Variants in CWC27 observed in about 807,000 individuals in gnomAD.
CWC27 encodes spliceosome-associated protein CWC27 homolog.
In CWC27, 47 loss-of-function variants were observed where a neutral mutation model predicts 63.6. That is an observed-to-expected ratio of 0.74 (90% CI 0.58 to 0.94). The LOEUF is 0.94. Ranked by LOEUF, CWC27 falls within the 40% of genes least tolerant of loss-of-function variation. CWC27 has a pLI of 0.00. For missense variants in CWC27, 495 were observed against 554.3 expected (o/e 0.89, Z 1.07); for synonymous variants, 175 against 179.8 (o/e 0.97, Z 0.22).
chr5:64,798,307 AC>A (rs1248154609), intron 7 of CWC27, among the ~76,000 whole-genome samples: 1 of 152,092 alleles, frequency 6.6e-6, no homozygotes, highest in Admixed American at 6.6e-5. Context: ...TTTAGACTAA[AC>A]CCCATGGAAT....
At chr5:64,853,966 C>G (rs2112300851) in intron 10 of CWC27, among the ~76,000 whole-genome samples, 1 of 152,324 alleles carries the variant, frequency 6.6e-6, no homozygotes, top group African/African-American at 2.4e-5. Flanking sequence ...TAAATAACGC[C>G]TCATTTCCCT....
chr5:64,928,179 T>C (rs926483047), intron 11 of CWC27, among the ~76,000 whole-genome samples: 1 of 151,552 alleles, frequency 6.6e-6, no homozygotes, highest in Non-Finnish European at 1.5e-5. Flanking sequence ...AAGTCAACAG[T>C]CACCCACATT....
At position 64,937,540 on chromosome 5, in the gene CWC27, G is replaced by A. The variant is rs144872674; in HGVS notation, c.1043-34163G>A. Reference sequence around the variant, plus strand: ...ATATGGTAAATTTTAGAATAAGTGTGATGTGGTGCTGAGAAGAATGTATAT... The same window carrying A: ...ATATGGTAAATTTTAGAATAAGTGTAATGTGGTGCTGAGAAGAATGTATAT... On this transcript the variant is annotated intron_variant, in intron 11 of 13. Transcript: ENST00000381070. Among the ~76,000 whole-genome samples, 581 of 152,278 alleles carry A rather than the reference G, an allele frequency of 3.8e-3. 2 individuals carry two copies. Among genetic ancestry groups the A allele is most frequent in the African/African-American group, 0.012 (501 of 41,558 alleles).
intron 10 of CWC27, among the ~76,000 whole-genome samples, chr5:64,865,801 T>C (rs1356236256): frequency 1.3e-5 from 2 of 152,072 alleles, no homozygotes; most frequent in African/African-American, 4.8e-5. Context: ...TTTTTCAGGA[T>C]GTGATGAATC....
chr5:64,833,331 T>G (rs1261694000), intron 10 of CWC27, among the ~76,000 whole-genome samples: 1 of 151,766 alleles, frequency 6.6e-6, no homozygotes, highest in Non-Finnish European at 1.5e-5. Flanking sequence ...TTTCTGTATT[T>G]TGTTTATACT....
chr5:64,794,902 A>C (rs1335596952), intron 7 of CWC27, among the ~76,000 whole-genome samples: 1 of 152,184 alleles, frequency 6.6e-6, no homozygotes, highest in Non-Finnish European at 1.5e-5. Context: ...GGTAAGTTAA[A>C]CAACAGGCCC....
intron 7 of CWC27, 59 bp downstream of exon 7, chr5:64,789,079 C>T (rs1397418511): frequency 9.3e-6 from 11 of 1,179,696 alleles, no homozygotes; most frequent in Non-Finnish European, 1.4e-5. Context: ...CTATATCTTA[C>T]TCACTATTGT....
At chr5:64,987,967 T>C (rs1749467099) in intron 13 of CWC27, among the ~76,000 whole-genome samples, 1 of 152,200 alleles carries the variant, frequency 6.6e-6, no homozygotes, top group Non-Finnish European at 1.5e-5. Flanking sequence ...TTTGTGTCTT[T>C]CACCAAATTT....
intron 13 of CWC27, among the ~76,000 whole-genome samples, chr5:65,003,034 A>G (rs1176158133): frequency 1.3e-5 from 2 of 152,214 alleles, no homozygotes; most frequent in Non-Finnish European, 2.9e-5. Flanking sequence ...TTATCTTTCT[A>G]TAATGACCTT....
chr5:64,903,691 A>G (rs551826442), intron 11 of CWC27, among the ~76,000 whole-genome samples: 110 of 152,280 alleles, frequency 7.2e-4, no homozygotes, highest in Non-Finnish European at 1.4e-3. Context: ...CTTAAAATAA[A>G]ATAAAAAATA....
chr5:64,982,539 C>T (rs897344739), intron 13 of CWC27, among the ~76,000 whole-genome samples: 14 of 151,720 alleles, frequency 9.2e-5, no homozygotes, highest in African/African-American at 3.1e-4. Context: ...AGGCTGATCT[C>T]GAACTCCTGG....
rs1744746260 is a variant in CWC27, at chr5:64,807,946, A to G, written c.938+3560A>G. On this transcript the variant is annotated intron_variant, in intron 10 of 13. Coordinates refer to ENST00000381070, the MANE Select transcript of CWC27 (RefSeq NM_005869.4). Reference sequence around the variant, plus strand: ...CATATCATCTAGCTTCTCACCTACCACTCCACTGAAACTACTTCCACTAAG... The same window carrying G: ...CATATCATCTAGCTTCTCACCTACCGCTCCACTGAAACTACTTCCACTAAG... The G allele has an allele frequency of 2.8e-6, 4 of 1,413,046 alleles. No homozygotes were observed. The East Asian group carries it at 1.0e-4, about 37-fold the overall frequency. The allele number at this position is 1,413,046 out of a possible 1,614,324, so 87.5% of individuals were successfully genotyped here. A position where few individuals can be genotyped will look rare whatever the true frequency, so the allele number is the denominator to read the frequency against.
intron 10 of CWC27, among the ~76,000 whole-genome samples, chr5:64,822,200 G>A (rs1227695210): frequency 1.3e-5 from 2 of 152,180 alleles, no homozygotes; most frequent in African/African-American, 4.8e-5. Flanking sequence ...TGAGGAGACA[G>A]ACATGACATG....
At chr5:64,977,535 G>A (rs73111521) in intron 13 of CWC27, among the ~76,000 whole-genome samples, 1 of 152,094 alleles carries the variant, frequency 6.6e-6, no homozygotes, top group Non-Finnish European at 1.5e-5. Flanking sequence ...TTCTAATATT[G>A]TGGAAAAGAT....
At chr5:64,771,654 T>C (rs1425379849) in intron 1 of CWC27, among the ~76,000 whole-genome samples, 1 of 150,530 alleles carries the variant, frequency 6.6e-6, no homozygotes, top group Non-Finnish European at 1.5e-5. Context: ...TTTTTAAATA[T>C]CTTGAAAATC....
At chr5:64,965,761 CAG>C (rs1749002610) in intron 11 of CWC27, among the ~76,000 whole-genome samples, 1 of 152,116 alleles carries the variant, frequency 6.6e-6, no homozygotes, top group African/African-American at 2.4e-5. Context: ...TATCACCAAA[CAG>C]ATATTTTCAA....
At position 64,854,174 on chromosome 5, in the gene CWC27, T is replaced by G. The variant is rs1395575189; in HGVS notation, c.939-31269T>G. On this transcript the variant is annotated intron_variant, in intron 10 of 13. Coordinates refer to ENST00000381070, the MANE Select transcript of CWC27 (RefSeq NM_005869.4). ...AGGCTGGATAACATTCCGTTTTATG[T>G]ATATACCAAATTTTCTTTATTCCTT... Among the ~76,000 whole-genome samples, 4 of 152,252 alleles carry G rather than the reference T, an allele frequency of 2.6e-5. No homozygotes were observed. In the East Asian group the frequency reaches 7.7e-4, roughly 29 times the overall value.
At chr5:64,792,009 C>T (rs1461076275) in intron 7 of CWC27, among the ~76,000 whole-genome samples, 2 of 152,000 alleles carry the variant, frequency 1.3e-5, no homozygotes, top group Non-Finnish European at 2.9e-5. Context: ...AGACCAGTTT[C>T]CCATCTCCCC....
chr5:64,979,349 G>C (rs1201674478), intron 13 of CWC27, among the ~76,000 whole-genome samples: 1 of 152,140 alleles, frequency 6.6e-6, no homozygotes, highest in Admixed American at 6.5e-5. Flanking sequence ...AATGTTTTTG[G>C]TATTTGTTTT....
Sources: gnomAD v4.1 joint callset for allele counts (sites outside exome capture counted in the v4.1 genomes callset) on GRCh38, gnomAD v4.1.1 for gene constraint, MANE v1.5 for transcripts, NCBI Gene and HGNC (gene_info 2026-07-23, HGNC 2026-07-21) for gene names.